FAM24B: variants seen among roughly 807,000 people sequenced by gnomAD.
FAM24B encodes protein FAM24B.
A neutral mutation model predicts 2.3 loss-of-function variants in FAM24B; 3 were observed. The observed-to-expected ratio is 1.29, with a 90% CI of 0.59 to 3.32. The LOEUF is 3.32. FAM24B is among the 30% of genes most tolerant of loss of function. The pLI is 0.03. For synonymous variants in FAM24B, 36 were observed against 46.3 expected (o/e 0.78, Z 0.90); for missense variants, 98 against 117.2 (o/e 0.84, Z 0.76).
chr10:122,879,133 C>T (rs1848029570), intron 1 of FAM24B, among the ~76,000 whole-genome samples: 1 of 152,152 alleles, frequency 6.6e-6, no homozygotes, highest in South Asian at 2.1e-4. Context: ...GGATCTTTCT[C>T]AACCTTCTGA....
chr10:122,876,655 G>A (rs1847980712), intron 1 of FAM24B, among the ~76,000 whole-genome samples: 1 of 152,176 alleles, frequency 6.6e-6, no homozygotes, highest in Admixed American at 6.5e-5. Flanking sequence ...TTCCTAGCAT[G>A]CTGATATCAG....
intron 2 of FAM24B, chr10:122,855,137 CT>C (rs751650711): frequency 1.3e-5 from 2 of 152,224 alleles, no homozygotes; most frequent in African/African-American, 2.4e-5. Flanking sequence ...AGAGGATCTC[CT>C]TAACTGAATC....
At chr10:122,862,565 T>C (rs765330650) in intron 1 of FAM24B, among the ~76,000 whole-genome samples, 3 of 152,202 alleles carry the variant, frequency 2.0e-5, no homozygotes, top group Non-Finnish European at 4.4e-5. Flanking sequence ...GTTCTTCAAA[T>C]GAGTTATTTT....
intron 1 of FAM24B, among the ~76,000 whole-genome samples, chr10:122,877,629 C>A (rs1222204653): frequency 2.0e-5 from 3 of 152,152 alleles, no homozygotes; most frequent in Non-Finnish European, 4.4e-5. Flanking sequence ...AGGCTCCTCT[C>A]CTCCTGCCAG....
At chr10:122,864,792 A>G (rs1000379178) in intron 1 of FAM24B, among the ~76,000 whole-genome samples, 1 of 152,216 alleles carries the variant, frequency 6.6e-6, no homozygotes, top group Non-Finnish European at 1.5e-5. Context: ...TGCCTTATCC[A>G]GAATGTCACA....
chr10:122,872,713 A>G (rs929108852), intron 1 of FAM24B, among the ~76,000 whole-genome samples: 2 of 151,540 alleles, frequency 1.3e-5, no homozygotes, highest in African/African-American at 2.4e-5. Context: ...GCATGTTCTC[A>G]CTCATAGGTG....
intron 1 of FAM24B, among the ~76,000 whole-genome samples, chr10:122,861,656 G>C (rs1467653373): frequency 6.6e-6 from 1 of 152,072 alleles, no homozygotes; most frequent in Non-Finnish European, 1.5e-5. Context: ...CCTACCTAAA[G>C]TTTATTAGAT....
At chr10:122,878,303 C>T (rs767777245) in intron 1 of FAM24B, among the ~76,000 whole-genome samples, 11 of 152,070 alleles carry the variant, frequency 7.2e-5, no homozygotes, top group Non-Finnish European at 1.3e-4. Flanking sequence ...GGAGCCGAGG[C>T]GGGCGGATCA....
intron 2 of FAM24B, among the ~76,000 whole-genome samples, chr10:122,851,790 A>G (rs148792805): frequency 5.9e-5 from 9 of 152,332 alleles, no homozygotes; most frequent in African/African-American, 2.2e-4. Context: ...CATTGGCCCT[A>G]CTAGAAAATA....
At chr10:122,869,720 G>T (rs371485767) in intron 1 of FAM24B, among the ~76,000 whole-genome samples, 1 of 151,958 alleles carries the variant, frequency 6.6e-6, no homozygotes, top group East Asian at 1.9e-4. Context: ...GAAATAAAGA[G>T]GTTCTTTGAA....
chr10:122,869,653 T>C (rs1281930442), intron 1 of FAM24B, among the ~76,000 whole-genome samples: 2 of 151,982 alleles, frequency 1.3e-5, no homozygotes, highest in African/African-American at 4.8e-5. Flanking sequence ...CTCAACTACA[T>C]GGAAACTGAA....
chr10:122,872,283 A>T (rs1203959271), intron 1 of FAM24B, among the ~76,000 whole-genome samples: 1 of 152,178 alleles, frequency 6.6e-6, no homozygotes, highest in Non-Finnish European at 1.5e-5. Context: ...AAGTCAGGAA[A>T]CAACAGGTGC....
chr10:122,875,228 G>A (rs1408590026), intron 1 of FAM24B, among the ~76,000 whole-genome samples: 1 of 152,066 alleles, frequency 6.6e-6, no homozygotes, highest in Non-Finnish European at 1.5e-5. Context: ...CCCATCAAAG[G>A]CATTCATTTG....
chr10:122,866,743 A>C (rs1847810046), intron 1 of FAM24B, among the ~76,000 whole-genome samples: 1 of 152,146 alleles, frequency 6.6e-6, no homozygotes, highest in Non-Finnish European at 1.5e-5. Context: ...TGAGTACTCC[A>C]CTGACTGCCA....
At chr10:122,869,308 G>A (rs1383261820) in intron 1 of FAM24B, among the ~76,000 whole-genome samples, 1 of 152,258 alleles carries the variant, frequency 6.6e-6, no homozygotes, top group East Asian at 1.9e-4. Flanking sequence ...CCTACAAAGA[G>A]ACTTAGACTC....
chr10:122,866,711 A>T (rs939604652), intron 1 of FAM24B, among the ~76,000 whole-genome samples: 9 of 152,154 alleles, frequency 5.9e-5, no homozygotes, highest in Non-Finnish European at 1.2e-4. Context: ...AACATGGCAG[A>T]CTTAATCAAC....
intron 1 of FAM24B, among the ~76,000 whole-genome samples, chr10:122,856,279 C>G (rs760090402): frequency 8.5e-5 from 13 of 152,222 alleles, no homozygotes; most frequent in Non-Finnish European, 1.6e-4. Flanking sequence ...ATCTCTGTCC[C>G]AAGACCAGCA....
At chr10:122,850,387 A>G in intron 3 of FAM24B, 37 bp downstream of exon 3, 1 of 1,539,436 alleles carries the variant, frequency 6.5e-7, no homozygotes. Context: ...CATGTGACTC[A>G]CTTTAGTACG....
chr10:122,854,165 A>T (rs1426021039), intron 2 of FAM24B, among the ~76,000 whole-genome samples: 1 of 152,008 alleles, frequency 6.6e-6, no homozygotes, highest in Non-Finnish European at 1.5e-5. Context: ...ACCCTGACCA[A>T]TATTATTTCA....
Sources: gnomAD v4.1 joint callset for allele counts (sites outside exome capture counted in the v4.1 genomes callset) on GRCh38, gnomAD v4.1.1 for gene constraint, MANE v1.5 for transcripts, NCBI Gene and HGNC (gene_info 2026-07-23, HGNC 2026-07-21) for gene names.